SLIT3: variants seen among roughly 807,000 people sequenced by gnomAD.
The protein encoded by SLIT3 is slit homolog 3 protein.
SLIT3 carries 68 observed loss-of-function variants against 184.0 expected under a neutral mutation model. The observed-to-expected ratio is 0.37, with a 90% CI of 0.30 to 0.45. The LOEUF (loss-of-function observed/expected upper bound fraction) is 0.45, where lower values mean the gene tolerates loss of function less well. Ranked by LOEUF, SLIT3 falls within the 20% of genes least tolerant of loss-of-function variation. The probability of loss-of-function intolerance (pLI) is 1.00; values close to 1 mark genes in which losing one functional copy is unlikely to be tolerated. For synonymous variants in SLIT3, 831 were observed against 828.6 expected, an observed-to-expected ratio of 1.00 and a Z score of -0.05; for missense variants, 1,707 against 2,026.0, an observed-to-expected ratio of 0.84 and a Z score of 3.02.
At chr5:169,233,877 A>G (rs1477742879) in intron 3 of SLIT3, among the ~76,000 whole-genome samples, 2 of 152,130 alleles carry the variant, frequency 1.3e-5, no homozygotes, top group Non-Finnish European at 2.9e-5. Context: ...AGTGTTTAAT[A>G]GAAGCTATGA....
At chr5:169,053,600 A>T (rs1316000811) in intron 4 of SLIT3, among the ~76,000 whole-genome samples, 3 of 152,184 alleles carry the variant, frequency 2.0e-5, no homozygotes, top group Non-Finnish European at 2.9e-5. Context: ...AAAATCTGGG[A>T]ATCTTTCTAG....
intron 4 of SLIT3, among the ~76,000 whole-genome samples, chr5:169,159,045 G>A (rs1762394376): frequency 6.6e-6 from 1 of 152,118 alleles, no homozygotes; most frequent in Non-Finnish European, 1.5e-5. Flanking sequence ...TGCTTTGGGA[G>A]GCTGAGGCGG....
chr5:168,755,575 C>T (rs966574227), intron 16 of SLIT3, among the ~76,000 whole-genome samples: 10 of 151,816 alleles, frequency 6.6e-5, no homozygotes, highest in Admixed American at 5.3e-4. Context: ...GCTGGGATTA[C>T]AGGTGCCTGC....
chr5:169,264,548 T>C (rs1766324822), intron 1 of SLIT3, among the ~76,000 whole-genome samples: 1 of 152,144 alleles, frequency 6.6e-6, no homozygotes, highest in African/African-American at 2.4e-5. Flanking sequence ...CTAATGGGTG[T>C]CTTCCTCTGT....
At position 169,137,202 on chromosome 5, in the gene SLIT3, G is replaced by A. The variant is rs147044030; in HGVS notation, c.413+56277C>T. ...CCTACTTTACCTCGCCCAACTCTAC[G>A]GATGGGATAGGAACTTACAAGGACA... On this transcript the variant is annotated intron_variant, in intron 4 of 35. Coordinates refer to ENST00000519560, the MANE Select transcript of SLIT3 (RefSeq NM_003062.4). Among the ~76,000 whole-genome samples the A allele has an allele frequency of 5.0e-4, 76 of 152,024 alleles. No individual in the cohort carries two copies. In the East Asian group the frequency reaches 5.2e-3, roughly 10 times the overall value.
intron 4 of SLIT3, among the ~76,000 whole-genome samples, chr5:169,106,425 T>A (rs989714254): frequency 2.0e-5 from 3 of 152,194 alleles, no homozygotes; most frequent in Non-Finnish European, 4.4e-5. Flanking sequence ...TCAATGGACA[T>A]TTCTGTCAAG....
At chr5:169,041,591 T>C (rs58580246) in intron 4 of SLIT3, among the ~76,000 whole-genome samples, 2,542 of 152,362 alleles carry the variant, frequency 0.017, 84 homozygotes, top group African/African-American at 0.057. Flanking sequence ...TCCTTCCTTC[T>C]TTCCCCAATG....
chr5:169,138,056 C>T (rs1317356879), intron 4 of SLIT3, among the ~76,000 whole-genome samples: 2 of 152,166 alleles, frequency 1.3e-5, no homozygotes, highest in Non-Finnish European at 2.9e-5. Flanking sequence ...ATCTGTGGGC[C>T]AATTACATAA....
At chr5:169,037,603 G>A (rs1264107444) in intron 4 of SLIT3, 4 of 152,184 alleles carry the variant, frequency 2.6e-5, no homozygotes, top group East Asian at 1.9e-4. Flanking sequence ...TCAAAGCCTC[G>A]TCAAGGATGA....
chr5:169,065,266 A>G (rs1047944116), intron 4 of SLIT3, among the ~76,000 whole-genome samples: 2 of 152,238 alleles, frequency 1.3e-5, no homozygotes, highest in Non-Finnish European at 2.9e-5. Context: ...ATGAACATTC[A>G]GTATTCACCT....
intron 4 of SLIT3, 150 bp from the exon 5 acceptor site, chr5:168,883,486 A>G: frequency 1.6e-6 from 1 of 622,388 alleles, no homozygotes; most frequent in Middle Eastern, 2.6e-4. Context: ...CCAGGCTGCT[A>G]CAAGCATTCA....
At chr5:168,885,604 C>T (rs949357593) in intron 4 of SLIT3, among the ~76,000 whole-genome samples, 4 of 152,322 alleles carry the variant, frequency 2.6e-5, no homozygotes, top group African/African-American at 9.6e-5. Context: ...GCCACCGAGC[C>T]TTTGCCCACT....
At chr5:168,934,948 T>G in intron 4 of SLIT3, among the ~76,000 whole-genome samples, 2 of 141,084 alleles carry the variant, frequency 1.4e-5, no homozygotes, top group Non-Finnish European at 3.0e-5. Flanking sequence ...GCCAACACGG[T>G]GAAACCCCAT....
intron 4 of SLIT3, among the ~76,000 whole-genome samples, chr5:168,928,482 G>A (rs565650241): frequency 1.8e-4 from 27 of 152,234 alleles, no homozygotes; most frequent in Non-Finnish European, 2.9e-4. Flanking sequence ...GACCAGGTCT[G>A]GGGCCAAGTC....
At chr5:168,792,934 C>T (rs895292758) in intron 10 of SLIT3, among the ~76,000 whole-genome samples, 1 of 152,132 alleles carries the variant, frequency 6.6e-6, no homozygotes, top group African/African-American at 2.4e-5. Context: ...ATATCATGCA[C>T]AAAATTATTA....
chr5:168,677,379 C>T (rs937472639), intron 32 of SLIT3, among the ~76,000 whole-genome samples: 1 of 152,098 alleles, frequency 6.6e-6, no homozygotes, highest in Non-Finnish European at 1.5e-5. Flanking sequence ...TGGGCTCAAG[C>T]CATCCTCCCA....
intron 4 of SLIT3, chr5:169,026,755 C>T (rs111249100): frequency 8.6e-5 from 13 of 151,510 alleles, no homozygotes; most frequent in Admixed American, 2.6e-4. Context: ...GCGCCTAAAA[C>T]AATATTTTAT....
intron 4 of SLIT3, among the ~76,000 whole-genome samples, chr5:169,084,439 C>T (rs1290909196): frequency 2.0e-5 from 3 of 148,258 alleles, no homozygotes; most frequent in South Asian, 2.2e-4. Flanking sequence ...TACAGGCATG[C>T]GCCACCATGC....
intron 8 of SLIT3, among the ~76,000 whole-genome samples, chr5:168,806,913 G>A (rs1756985573): frequency 6.6e-6 from 1 of 152,152 alleles, no homozygotes; most frequent in Non-Finnish European, 1.5e-5. Context: ...CATATGATGG[G>A]ACCACTTTCC....
Sources: allele counts gnomAD v4.1 joint callset (sites outside exome capture counted in the v4.1 genomes callset), GRCh38; gene constraint gnomAD v4.1.1; transcripts MANE v1.5; gene names NCBI Gene and HGNC (gene_info 2026-07-23, HGNC 2026-07-21).